ATIC: variants seen among roughly 807,000 people sequenced by gnomAD.
The protein encoded by ATIC is bifunctional purine biosynthesis protein ATIC.
ATIC carries 64 observed loss-of-function variants against 72.5 expected under a neutral mutation model. The ratio of observed to expected loss-of-function variants is 0.88; its 90% CI spans 0.72 to 1.09. The LOEUF is 1.09. ATIC is among the 50% of genes least tolerant of loss of function. The pLI, the probability that ATIC is intolerant of heterozygous loss-of-function variation, is 0.00. For missense variants in ATIC, 787 were observed against 732.4 expected (o/e 1.07, Z -0.86); for synonymous variants, 281 against 267.1 (o/e 1.05, Z -0.51).
chr2:215,353,302 A>C (rs1030384384), downstream of ATIC, among the ~76,000 whole-genome samples: 1 of 152,052 alleles, frequency 6.6e-6, no homozygotes, highest in Non-Finnish European at 1.5e-5. Flanking sequence ...CCCCCTAATA[A>C]GCTAAAAGCT....
At chr2:215,318,638 A>C (rs999215420) in intron 3 of ATIC, among the ~76,000 whole-genome samples, 3 of 152,212 alleles carry the variant, frequency 2.0e-5, no homozygotes, top group African/African-American at 7.2e-5. Flanking sequence ...CGTTCACCTA[A>C]GAATGAATTG....
the ATIC span, among the ~76,000 whole-genome samples, chr2:215,354,813 T>C: frequency 6.6e-6 from 1 of 151,514 alleles, no homozygotes; most frequent in African/African-American, 2.4e-5. Context: ...GTCTCTTTAC[T>C]CAAGTGTTGT....
intron 8 of ATIC, 119 bp from the exon 9 acceptor site, chr2:215,333,231 G>T: frequency 1.2e-6 from 1 of 803,778 alleles, no homozygotes; most frequent in Non-Finnish European, 2.2e-6. Context: ...GTTTAATTTA[G>T]CACAGGCACT....
At chr2:215,341,301 G>A (rs549484778) in intron 12 of ATIC, among the ~76,000 whole-genome samples, 19 of 152,150 alleles carry the variant, frequency 1.2e-4, no homozygotes, top group Non-Finnish European at 2.4e-4. Context: ...AATGGATATT[G>A]ACCTAGATTC....
At chr2:215,332,282 T>C in intron 7 of ATIC, 100 bp from the exon 8 acceptor site, 11 of 1,525,198 alleles carry the variant, frequency 7.2e-6, no homozygotes, top group Non-Finnish European at 9.9e-6. Context: ...TTAATTATAC[T>C]TAAAACATTT....
intron 14 of ATIC, chr2:215,347,689 CT>C (rs902061167): frequency 1.4e-3 from 583 of 431,010 alleles, no homozygotes; most frequent in South Asian, 2.0e-3. Flanking sequence ...CTTAAGATAT[CT>C]TTTTTTTTTC....
the ATIC span, among the ~76,000 whole-genome samples, chr2:215,356,142 C>G: frequency 1.3e-5 from 2 of 152,292 alleles, no homozygotes; most frequent in Non-Finnish European, 2.9e-5. Context: ...CTCTGAAGAG[C>G]AAATGAGACA....
chr2:215,350,229 C>A (rs1417864862), downstream of ATIC, among the ~76,000 whole-genome samples: 2 of 152,224 alleles, frequency 1.3e-5, no homozygotes, highest in East Asian at 3.9e-4. Flanking sequence ...CTCCGCCTCC[C>A]GGGTTCAAGC....
the ATIC span, among the ~76,000 whole-genome samples, chr2:215,358,423 A>G: frequency 7.2e-5 from 11 of 152,328 alleles, no homozygotes; most frequent in Admixed American, 7.2e-4. Flanking sequence ...AACCTGAATC[A>G]ATAAAAACGG....
rs184705353 is a variant in ATIC, at chr2:215,342,241, G to C, written c.1228-2538G>C. On this transcript the variant is annotated intron_variant, in intron 12 of 15. Coordinates refer to ENST00000236959, the MANE Select transcript of ATIC (RefSeq NM_004044.7). Reference sequence around the variant, plus strand: ...GCTACTAAGTTTTCTGGGAACCAGAGGAATCAGATTTATAGTTGATGACTC... The same window carrying C: ...GCTACTAAGTTTTCTGGGAACCAGACGAATCAGATTTATAGTTGATGACTC... 2.0e-3 allele frequency among the ~76,000 whole-genome samples: 300 copies of C among 152,234 alleles called. 4 individuals carry two copies. Among genetic ancestry groups the C allele is most frequent in the African/African-American group, 6.9e-3 (288 of 41,546 alleles).
intron 9 of ATIC, 130 bp from the exon 10 acceptor site, chr2:215,334,789 T>A: frequency 1.4e-6 from 1 of 722,678 alleles, no homozygotes; most frequent in Non-Finnish European, 2.3e-6. Flanking sequence ...CTTATTGATC[T>A]GTTAAAATCT....
chr2:215,327,051 G>T (rs2052836453), intron 7 of ATIC, 73 bp downstream of exon 7: 1 of 1,599,702 alleles, frequency 6.3e-7, no homozygotes, highest in Non-Finnish European at 8.6e-7. Flanking sequence ...TGCATCTGAT[G>T]TGGTTCACAT....
rs2052982984 is a variant in ATIC, at chr2:215,338,669, A to G, written c.1099-110A>G. ...GAAAATTAGAAAACTGTAAAAAATT[A>G]GAAACATGCATATAACTTTACTTAC... On this transcript the variant is annotated intron_variant, in intron 11 of 15. Transcript: ENST00000236959. 9.6e-6 allele frequency: 11 copies of G among 1,150,678 alleles called. No individual in the cohort carries two copies. The East Asian group carries it at 2.2e-4, about 23-fold the overall frequency. The allele number at this position is 1,150,678 out of a possible 1,614,324, so 71.3% of individuals were successfully genotyped here. A position where few individuals can be genotyped will look rare whatever the true frequency, so the allele number is the denominator to read the frequency against.
chr2:215,354,351 GTATTT>G (rs1227349802), downstream of ATIC, among the ~76,000 whole-genome samples: 1 of 152,066 alleles, frequency 6.6e-6, no homozygotes, highest in Non-Finnish European at 1.5e-5. Context: ...TTTTTCCTGG[GTATTT>G]TCAAGCTTCT....
chr2:215,325,919 T>G, intron 5 of ATIC, 68 bp from the exon 6 acceptor site: 2 of 1,569,936 alleles, frequency 1.3e-6, no homozygotes, highest in Non-Finnish European at 1.7e-6. Flanking sequence ...GCACAATGAC[T>G]TTATTTAAAA....
chr2:215,326,609 C>CAAA (rs879810774), intron 6 of ATIC, among the ~76,000 whole-genome samples: 1 of 93,104 alleles, frequency 1.1e-5, no homozygotes, highest in Admixed American at 1.2e-4. Flanking sequence ...GACTTTGTCT[C>CAAA]AAAAAAAAAA....
chr2:215,368,074 G>A, the ATIC span: 18 of 1,585,598 alleles, frequency 1.1e-5, no homozygotes, highest in African/African-American at 4.0e-5. Flanking sequence ...CTTATTAATC[G>A]ATTTGGACCA....
At chr2:215,361,538 TG>T in the ATIC span, 1 of 1,568,018 alleles carries the variant, frequency 6.4e-7, no homozygotes, top group Non-Finnish European at 8.8e-7. Context: ...CTTGTTCCTC[TG>T]GATTGGAAAG....
chr2:215,325,763 G>T (rs560375000), intron 5 of ATIC, among the ~76,000 whole-genome samples: 1 of 151,750 alleles, frequency 6.6e-6, no homozygotes, highest in East Asian at 1.9e-4. Flanking sequence ...ATGGAATTTC[G>T]CCATGTTGGC....
Sources: gnomAD v4.1 joint callset for allele counts (sites outside exome capture counted in the v4.1 genomes callset) on GRCh38, gnomAD v4.1.1 for gene constraint, MANE v1.5 for transcripts, NCBI Gene and HGNC (gene_info 2026-07-23, HGNC 2026-07-21) for gene names.